KCTD8: variants seen among roughly 807,000 people sequenced by gnomAD.
The protein encoded by KCTD8 is BTB/POZ domain-containing protein KCTD8.
In KCTD8, 27 loss-of-function variants were observed where a neutral mutation model predicts 31.5. That is an observed-to-expected ratio of 0.86 (90% confidence interval 0.63 to 1.18). The LOEUF is 1.18. KCTD8 is among the 50% of genes most tolerant of loss of function. KCTD8 has a pLI of 0.00. For missense variants in KCTD8, 658 were observed against 647.7 expected, an observed-to-expected ratio of 1.02 and a Z score of -0.17; for synonymous variants, 290 against 280.0, an observed-to-expected ratio of 1.04 and a Z score of -0.36.
chr4:44,334,819 T>C (rs916015893), intron 1 of KCTD8, among the ~76,000 whole-genome samples: 2 of 152,260 alleles, frequency 1.3e-5, no homozygotes, highest in East Asian at 1.9e-4. Flanking sequence ...AAATACACTT[T>C]GGAAATTTTG....
At chr4:44,433,523 C>T (rs954272116) in intron 1 of KCTD8, among the ~76,000 whole-genome samples, 1 of 151,666 alleles carries the variant, frequency 6.6e-6, no homozygotes, top group African/African-American at 2.4e-5. Flanking sequence ...CTGCATTTTA[C>T]ACTCCCAAAG....
chr4:44,298,675 A>T (rs998740253), intron 1 of KCTD8, among the ~76,000 whole-genome samples: 2 of 152,126 alleles, frequency 1.3e-5, no homozygotes, highest in East Asian at 1.9e-4. Flanking sequence ...TGAACTTTTT[A>T]AAAAAGTACT....
chr4:44,377,196 A>C (rs561653895), intron 1 of KCTD8, among the ~76,000 whole-genome samples: 1 of 152,264 alleles, frequency 6.6e-6, no homozygotes, highest in African/African-American at 2.4e-5. Context: ...GTGCTCAGTA[A>C]TGTGTAGAGA....
intron 1 of KCTD8, among the ~76,000 whole-genome samples, chr4:44,204,026 A>T (rs1196675929): frequency 1.3e-5 from 2 of 151,776 alleles, no homozygotes; most frequent in Admixed American, 1.3e-4. Context: ...AGTTACTTCC[A>T]GTACAAAAAA....
intron 1 of KCTD8, among the ~76,000 whole-genome samples, chr4:44,196,183 C>T (rs1358092925): frequency 6.6e-6 from 1 of 152,164 alleles, no homozygotes; most frequent in Non-Finnish European, 1.5e-5. Context: ...CTCTTTCTTA[C>T]TCATCATTAT....
chr4:44,219,774 T>G (rs1459685431), intron 1 of KCTD8, among the ~76,000 whole-genome samples: 1 of 152,210 alleles, frequency 6.6e-6, no homozygotes, highest in Non-Finnish European at 1.5e-5. Context: ...TTTGTAATGA[T>G]GGAAGCTATT....
At chr4:44,336,173 A>T in intron 1 of KCTD8, among the ~76,000 whole-genome samples, 1 of 139,366 alleles carries the variant, frequency 7.2e-6, no homozygotes, top group Non-Finnish European at 1.6e-5. Context: ...AAAAAAAAAA[A>T]AAAGAAAAAA....
intron 1 of KCTD8, among the ~76,000 whole-genome samples, chr4:44,391,442 T>C (rs1353894566): frequency 2.0e-5 from 3 of 151,938 alleles, no homozygotes; most frequent in Non-Finnish European, 4.4e-5. Context: ...CTTCCTCCTC[T>C]TCCGCAGCCT....
chr4:44,303,103 C>T (rs935292046), intron 1 of KCTD8, among the ~76,000 whole-genome samples: 35 of 151,696 alleles, frequency 2.3e-4, no homozygotes, highest in Admixed American at 1.8e-3. Flanking sequence ...TTTTGATGTG[C>T]TGCTGGATTC....
intron 1 of KCTD8, among the ~76,000 whole-genome samples, chr4:44,382,730 C>CA (rs34629884): frequency 0.4 from 54,648 of 138,276 alleles, 10,625 homozygotes; most frequent in South Asian, 0.46. Flanking sequence ...AACTCCATTT[C>CA]AAAAAAAAAA....
At chr4:44,280,693 T>G (rs1716882231) in intron 1 of KCTD8, among the ~76,000 whole-genome samples, 1 of 152,078 alleles carries the variant, frequency 6.6e-6, no homozygotes, top group African/African-American at 2.4e-5. Flanking sequence ...TTCTCTTTTT[T>G]CACTCTAGAA....
intron 1 of KCTD8, among the ~76,000 whole-genome samples, chr4:44,267,370 G>A (rs994759178): frequency 2.6e-5 from 4 of 152,148 alleles, no homozygotes; most frequent in African/African-American, 9.7e-5. Context: ...CAACATACCA[G>A]AATCTCTGGG....
intron 1 of KCTD8, among the ~76,000 whole-genome samples, chr4:44,222,772 G>C (rs181379762): frequency 1.4e-4 from 22 of 152,314 alleles, no homozygotes; most frequent in Admixed American, 1.2e-3. Context: ...ACTATGCAAA[G>C]AGATTAGGAA....
chr4:44,321,608 C>T (rs1718297602), intron 1 of KCTD8, among the ~76,000 whole-genome samples: 1 of 152,124 alleles, frequency 6.6e-6, no homozygotes, highest in South Asian at 2.1e-4. Flanking sequence ...GTGTTGGGAA[C>T]ATTACAATAT....
At chr4:44,420,776 G>C (rs776401424) in intron 1 of KCTD8, among the ~76,000 whole-genome samples, 1 of 152,084 alleles carries the variant, frequency 6.6e-6, no homozygotes, top group Non-Finnish European at 1.5e-5. Flanking sequence ...ATTCCTAATA[G>C]AGCAATTCAG....
chr4:44,290,838 A>G (rs892354485), intron 1 of KCTD8, among the ~76,000 whole-genome samples: 4 of 152,110 alleles, frequency 2.6e-5, no homozygotes, highest in Admixed American at 6.6e-5. Flanking sequence ...TTATAGAAAT[A>G]AACGCCTTCA....
intron 1 of KCTD8, among the ~76,000 whole-genome samples, chr4:44,364,330 A>G (rs533017609): frequency 5.9e-5 from 9 of 152,272 alleles, no homozygotes; most frequent in African/African-American, 2.2e-4. Flanking sequence ...AAGCAGATGA[A>G]AAGTGGCTCA....
intron 1 of KCTD8, among the ~76,000 whole-genome samples, chr4:44,338,396 T>C (rs7692388): frequency 0.041 from 6,285 of 152,222 alleles, 149 homozygotes; most frequent in Middle Eastern, 0.089. Context: ...GTTTAACAGG[T>C]AAAGCTTATA....
At chr4:44,276,707 T>G (rs925440575) in intron 1 of KCTD8, among the ~76,000 whole-genome samples, 6 of 152,002 alleles carry the variant, frequency 3.9e-5, no homozygotes, top group Non-Finnish European at 8.8e-5. Flanking sequence ...TATTTTTGTT[T>G]GGTAAGTGCA....
Sources: allele counts gnomAD v4.1 joint callset (sites outside exome capture counted in the v4.1 genomes callset), GRCh38; gene constraint gnomAD v4.1.1; transcripts MANE v1.5; gene names NCBI Gene and HGNC (gene_info 2026-07-23, HGNC 2026-07-21).